ARHGEF5: variants seen among roughly 807,000 people sequenced by gnomAD.
ARHGEF5 encodes Rho guanine nucleotide exchange factor 5.
ARHGEF5 carries 11 observed loss-of-function variants against 104.0 expected under a neutral mutation model. The ratio of observed to expected loss-of-function variants is 0.11; its 90% CI spans 0.07 to 0.18. The LOEUF (loss-of-function observed/expected upper bound fraction) is 0.18, where lower values mean the gene tolerates loss of function less well. ARHGEF5 is among the 10% of genes least tolerant of loss of function. The pLI is 1.00. For synonymous variants in ARHGEF5, 60 were observed against 512.2 expected (o/e 0.12, Z 11.92); for missense variants, 165 against 1,335.4 (o/e 0.12, Z 13.66).
chr7:144,379,983 T>A lies in ARHGEF5; in HGVS notation c.4721T>A (p.Val1574Asp). ...QQVEFISNPE[V>D]RAQNLKEAHR... ...GTGGAGTTCATTTCCAACCCAGAGG[T>A]CCGTGCACAGAACCTGAAGGAAGCT... Residue 1574 changes from valine to aspartate, a missense_variant, in exon 15 of 15, where the codon GTC (valine) becomes GAC (aspartate). Physicochemically the swap from Val to Asp is radical, Grantham distance 152 (BLOSUM62 -3). Coordinates refer to ENST00000056217, the MANE Select transcript of ARHGEF5 (RefSeq NM_005435.4). 1 of 1,613,822 alleles carries A rather than the reference T, an allele frequency of 6.2e-7. No homozygotes were observed. Among genetic ancestry groups the A allele is most frequent in the Non-Finnish European group, 8.5e-7 (1 of 1,179,960 alleles).
chr7:144,360,817 G>A (rs2053632120), intron 1 of ARHGEF5, among the ~76,000 whole-genome samples: 1 of 139,810 alleles, frequency 7.2e-6, no homozygotes, highest in Admixed American at 7.2e-5. Context: ...TGCAATAGAG[G>A]GTAACTCAAA....
chr7:144,378,645 C>A, intron 13 of ARHGEF5, 117 bp from the exon 14 acceptor site: 1 of 782,112 alleles, frequency 1.3e-6, no homozygotes, highest in Non-Finnish European at 2.1e-6. Context: ...CTGTGACTTT[C>A]AACAGCCCAA....
At chr7:144,378,735 C>G (rs769092712) in intron 13 of ARHGEF5, 27 bp from the exon 14 acceptor site, 1 of 1,602,566 alleles carries the variant, frequency 6.2e-7, no homozygotes, top group African/African-American at 1.3e-5. Context: ...CTCTCCTAAC[C>G]TCTCTTCACA....
rs375697364 is a variant in ARHGEF5, at chr7:144,357,390, T to C, written c.-13+1889T>C. Reference sequence around the variant, plus strand: ...TTTCACTGGCATGGTGGGACTTTCCTGCAATGGATAGAACACACACTGTAG... The same window carrying C: ...TTTCACTGGCATGGTGGGACTTTCCCGCAATGGATAGAACACACACTGTAG... On this transcript the variant is annotated intron_variant, in intron 1 of 14. Coordinates refer to ENST00000056217, the MANE Select transcript of ARHGEF5 (RefSeq NM_005435.4). Among the ~76,000 whole-genome samples the C allele has an allele frequency of 1.0e-3, 131 of 128,638 alleles. 5 individuals are homozygous for C. The highest frequency in any genetic ancestry group is 5.3e-3 in the East Asian group (18 of 3,386). 84.4% of individuals were successfully genotyped at this position (128,638 alleles called of 152,430 possible).
intron 13 of ARHGEF5, among the ~76,000 whole-genome samples, chr7:144,377,714 GT>G (rs1223271352): frequency 6.6e-6 from 1 of 152,140 alleles, no homozygotes; most frequent in Admixed American, 6.5e-5. Flanking sequence ...CAGCCCCACA[GT>G]TGTCCTCCAG....
At chr7:144,379,753 G>A (rs2053787208) in intron 14 of ARHGEF5, 146 bp from the exon 15 acceptor site, 7 of 1,075,198 alleles carry the variant, frequency 6.5e-6, no homozygotes, top group Non-Finnish European at 4.1e-6. Flanking sequence ...GGGCCGCCAT[G>A]TTAGGACACT....
intron 9 of ARHGEF5, 84 bp from the exon 10 acceptor site, chr7:144,373,111 A>G: frequency 1.2e-6 from 1 of 824,118 alleles, no homozygotes; most frequent in Non-Finnish European, 2.0e-6. Context: ...GTCATAACCT[A>G]TTTCCAGATT....
intron 1 of ARHGEF5, among the ~76,000 whole-genome samples, chr7:144,359,801 A>G (rs2053624602): frequency 7.2e-6 from 1 of 138,898 alleles, no homozygotes; most frequent in South Asian, 2.3e-4. Context: ...TCATCTCAAG[A>G]GCATTCAGAG....
At chr7:144,357,220 G>T (rs1367675335) in intron 1 of ARHGEF5, among the ~76,000 whole-genome samples, 1 of 96,384 alleles carries the variant, frequency 1.0e-5, no homozygotes, top group Non-Finnish European at 2.0e-5. Context: ...TGTTATCTGT[G>T]TGTATGCCAC....
chr7:144,361,242 GA>G (rs1191242103), intron 1 of ARHGEF5, among the ~76,000 whole-genome samples: 1,202 of 8,718 alleles, frequency 0.14, 20 homozygotes, highest in African/African-American at 0.24. Flanking sequence ...AAAAAAAAAA[GA>G]AAAGAAAAAA....
Position 144,379,892 on chromosome 7 carries a change from C to T in ARHGEF5, c.4637-7C>T, listed in dbSNP as rs141781593. On this transcript the variant is annotated splice_region_variant and splice_polypyrimidine_tract_variant and intron_variant, in intron 14 of 14. Transcript: ENST00000056217. ...GGTAATTCTTCCCACTCACCCTGTG[C>T]CCACAGGCTGGCTGGAGGGCGTGAG... The T allele has an allele frequency of 2.0e-4, 325 of 1,614,072 alleles. 1 individual carries two copies. The African/African-American group carries it at 4.0e-3, about 20-fold the overall frequency.
At chr7:144,360,956 G>T (rs1315445163) in intron 1 of ARHGEF5, among the ~76,000 whole-genome samples, 3 of 146,180 alleles carry the variant, frequency 2.1e-5, no homozygotes, top group Admixed American at 6.8e-5. Context: ...GAGGCCAGGT[G>T]TGGTGGCTTA....
chr7:144,357,963 ATGAGCATTGC>A (rs2053610614), intron 1 of ARHGEF5, among the ~76,000 whole-genome samples: 1 of 123,418 alleles, frequency 8.1e-6, no homozygotes, highest in African/African-American at 3.2e-5. Flanking sequence ...CTCTAACGTA[ATGAGCATTGC>A]AAAAAACTCT....
rs147896072 is a variant in ARHGEF5, at chr7:144,363,605, G to A, written c.936G>A (p.Arg312=). 1.3e-6 allele frequency: 2 copies of A among 1,504,392 alleles called. No homozygotes were observed. Among genetic ancestry groups the A allele is most frequent in the Non-Finnish European group, 1.8e-6 (2 of 1,089,402 alleles). 93.2% of individuals were successfully genotyped at this position (1,504,392 alleles called of 1,614,324 possible). ...AGTGGGAGCAGGAGGATATGGAGAG[G>A]AAGGCTCAGGGTCAGGGAGGTCCAG... ...DGEWEQEDME[R]KAQGQGGPEQ... The change falls in exon 2 of 15, where the codon AGG becomes AGA. Residue 312 remains arginine, a synonymous_variant. Transcript: ENST00000056217.
At chr7:144,370,338 T>C (rs1418419006) in intron 5 of ARHGEF5, among the ~76,000 whole-genome samples, 1 of 152,276 alleles carries the variant, frequency 6.6e-6, no homozygotes, top group African/African-American at 2.4e-5. Context: ...CATTGTCCCA[T>C]TGTCTTAAGT....
At position 144,358,792 on chromosome 7, in the gene ARHGEF5, TGTGTGTG is replaced by T. The variant is rs1563113841; in HGVS notation, c.-13+3292_-13+3298del. On this transcript the variant is annotated intron_variant, in intron 1 of 14. Transcript: ENST00000056217. ...GTGTGTGTGTGTGTGTGTGTGTGTG[TGTGTGTG>T]TGTACACACACAGTGGCTAAGCAGG... 1.6e-4 allele frequency among the ~76,000 whole-genome samples: 21 copies of T among 133,060 alleles called. 2 individuals are homozygous for T. The highest frequency in any genetic ancestry group is 5.7e-4 in the African/African-American group (21 of 36,572). The allele number at this position is 133,060 out of a possible 152,430, so 87.3% of individuals were successfully genotyped here.
chr7:144,358,801 G>A (rs1278798743), intron 1 of ARHGEF5, among the ~76,000 whole-genome samples: 1 of 130,024 alleles, frequency 7.7e-6, no homozygotes, highest in African/African-American at 2.8e-5. Flanking sequence ...GTGTGTGTGT[G>A]TACACACACA....
intron 14 of ARHGEF5, among the ~76,000 whole-genome samples, chr7:144,379,571 A>G (rs2053785548): frequency 6.6e-6 from 1 of 152,220 alleles, no homozygotes; most frequent in Admixed American, 6.5e-5. Flanking sequence ...TTACTCCAGT[A>G]TGACATCATC....
chr7:144,368,254 AT>A (rs2053702483), intron 5 of ARHGEF5, among the ~76,000 whole-genome samples: 1 of 14,744 alleles, frequency 6.8e-5, no homozygotes, highest in East Asian at 8.8e-4. Context: ...TAATTTTTTA[AT>A]TTTTTGAAAA....
Sources: allele counts gnomAD v4.1 joint callset (sites outside exome capture counted in the v4.1 genomes callset), GRCh38; gene constraint gnomAD v4.1.1; transcripts MANE v1.5; gene names NCBI Gene and HGNC (gene_info 2026-07-23, HGNC 2026-07-21).